AGAP1: variants seen among roughly 807,000 people sequenced by gnomAD.
The protein encoded by AGAP1 is arf-GAP with GTPase, ANK repeat and PH domain-containing protein 1.
Under a neutral mutation model 105.3 loss-of-function variants are expected in AGAP1, and 29 were observed. That is an observed-to-expected ratio of 0.28 (90% CI 0.21 to 0.38). The LOEUF is 0.38. Among genes scored for constraint, AGAP1 ranks in the 10% least tolerant of loss-of-function variants. The probability of loss-of-function intolerance (pLI) is 1.00; values close to 1 mark genes in which losing one functional copy is unlikely to be tolerated. For synonymous variants in AGAP1, 509 were observed against 485.9 expected (o/e 1.05, Z -0.63); for missense variants, 998 against 1,165.1 (o/e 0.86, Z 2.09).
rs2059097308 is a variant in AGAP1, at chr2:236,092,764, A to G, written c.2115-27428A>G. On this transcript the variant is annotated intron_variant, in intron 16 of 17. Transcript: ENST00000304032. The surrounding 1 kb of genome is among the most constrained non-coding windows in gnomAD (Gnocchi z 4.7). ...GCTTACTAAAAAGTTTAAAACAATCAAGCAAAATAAAAGGTGGCTTCCCTT... is the reference window on the plus strand; with the variant it reads ...GCTTACTAAAAAGTTTAAAACAATCGAGCAAAATAAAAGGTGGCTTCCCTT... Among the ~76,000 whole-genome samples, 1 of 152,248 alleles carries G rather than the reference A, an allele frequency of 6.6e-6. No homozygotes were observed. Among genetic ancestry groups the G allele is most frequent in the Non-Finnish European group, 1.5e-5 (1 of 68,044 alleles).
At chr2:235,913,148 A>G (rs2051700296) in intron 11 of AGAP1, among the ~76,000 whole-genome samples, 1 of 152,062 alleles carries the variant, frequency 6.6e-6, no homozygotes, top group Admixed American at 6.5e-5. Context: ...TGTGATTTCT[A>G]CTTTAAGCTA....
At position 235,753,068 on chromosome 2, in the gene AGAP1, A is replaced by G. The variant is rs1953591551; in HGVS notation, c.673+2580A>G. ...CAGGGTTCCACCCTTGTGATCAGTC[A>G]CCTGGCAGAGGCCCCACCTCTTATT... On this transcript the variant is annotated intron_variant, in intron 6 of 17. Coordinates refer to ENST00000304032, the MANE Select transcript of AGAP1 (RefSeq NM_001037131.3). The surrounding 1 kb of genome is among the most constrained non-coding windows in gnomAD (Gnocchi z 4.5). 6.6e-6 allele frequency among the ~76,000 whole-genome samples: 1 copy of G among 152,104 alleles called. No homozygotes were observed. Among genetic ancestry groups the G allele is most frequent in the Non-Finnish European group, 1.5e-5 (1 of 68,022 alleles).
At position 235,494,841 on chromosome 2, in the gene AGAP1, C is replaced by T. The variant is rs766384601; in HGVS notation, c.155C>T (p.Ala52Val). 2 of 1,569,988 alleles carry T rather than the reference C, an allele frequency of 1.3e-6. No individual in the cohort carries two copies. The highest frequency in any genetic ancestry group is 1.7e-6 in the Non-Finnish European group (2 of 1,158,086). ...LQNQIREHVI[A>V]IEDAFVNSQE... is the part of the protein sequence containing the mutation. ...AACCAGATCCGGGAGCACGTCATCG[C>T]CATCGAAGGTGAGGGCCGGGCCGCC... is the stretch of plus-strand genomic sequence containing the variant. The change falls in exon 1 of 18, where the codon GCC (alanine) becomes GTC (valine). Residue 52 changes from alanine to valine, a missense_variant. Ala to Val is a moderately conservative substitution (Grantham distance 64). This residue lies in a region of AGAP1 where 735 missense variants were observed against 833.4 expected (regional missense o/e 0.88). Coordinates refer to ENST00000304032, the MANE Select transcript of AGAP1 (RefSeq NM_001037131.3).
At chr2:236,102,997 G>A (rs1235871675) in intron 16 of AGAP1, among the ~76,000 whole-genome samples, 1 of 149,730 alleles carries the variant, frequency 6.7e-6, no homozygotes, top group African/African-American at 2.5e-5. Context: ...TCCCCTCCGG[G>A]GTTTCTGCCC....
chr2:235,775,403 A>G (rs1035886193), intron 6 of AGAP1, among the ~76,000 whole-genome samples: 29 of 152,234 alleles, frequency 1.9e-4, no homozygotes, highest in African/African-American at 6.5e-4. Context: ...CTGTCCTCTT[A>G]AATCATAGGT....
rs898468750 is a variant in AGAP1 at position 236,087,273 on chromosome 2, A to C, written c.2115-32919A>C. On this transcript the variant is annotated intron_variant, in intron 16 of 17. Coordinates refer to ENST00000304032, the MANE Select transcript of AGAP1 (RefSeq NM_001037131.3). This position sits in a 1 kb window ranked among gnomAD's most constrained non-coding sequence, Gnocchi z 5.7. ...GGGACAGGGCATTCCAGTGTTATTT[A>C]GGGGTCGAGGTGGGAATGAGAGGAA... is the stretch of plus-strand genomic sequence containing the variant. Among the ~76,000 whole-genome samples the C allele has an allele frequency of 2.0e-5, 3 of 147,478 alleles. No individual in the cohort carries two copies. The highest frequency in any genetic ancestry group is 1.3e-4 in the Admixed American group (2 of 14,862).
At chr2:235,760,181 G>A (rs1305255664) in intron 6 of AGAP1, among the ~76,000 whole-genome samples, 1 of 152,168 alleles carries the variant, frequency 6.6e-6, no homozygotes, top group East Asian at 1.9e-4. Flanking sequence ...AAGAGTTTGA[G>A]ACCAGCCTGG....
rs560680182 is a variant in AGAP1, at chr2:236,074,256, G to A, written c.2114+24975G>A. 3.9e-5 allele frequency among the ~76,000 whole-genome samples: 6 copies of A among 152,084 alleles called. No homozygotes were observed. The South Asian group carries it at 1.0e-3, about 26-fold the overall frequency. ...ACATCAGTACCCTCTGCAAGGGAGA[G>A]GCTAAACAAGAAGACCCCCGGGGAG... On this transcript the variant is annotated intron_variant, in intron 16 of 17. Coordinates refer to ENST00000304032, the MANE Select transcript of AGAP1 (RefSeq NM_001037131.3).
At position 235,714,681 on chromosome 2, in the gene AGAP1, C is replaced by A. The variant is rs928479534; in HGVS notation, c.223-2876C>A. 2.6e-5 allele frequency among the ~76,000 whole-genome samples: 4 copies of A among 152,082 alleles called. No individual in the cohort carries two copies. The highest frequency in any genetic ancestry group is 6.5e-5 in the Admixed American group (1 of 15,268). ...ACTGGGTGACAGAGAACATTTGGAT[C>A]CATGAGCCATCACTCAGACAGCAGA... On this transcript the variant is annotated intron_variant, in intron 2 of 17. Transcript: ENST00000304032. This position sits in a 1 kb window ranked among gnomAD's most constrained non-coding sequence, Gnocchi z 4.1.
rs566632866 is a variant in AGAP1, at chr2:235,814,934, T to G, written c.1050+7603T>G. Among the ~76,000 whole-genome samples the G allele has an allele frequency of 2.4e-3, 367 of 152,250 alleles. 4 individuals carry two copies. The highest frequency in any genetic ancestry group is 8.3e-3 in the African/African-American group (343 of 41,540). On this transcript the variant is annotated intron_variant, in intron 9 of 17. Transcript: ENST00000304032. The stretch of plus-strand genomic sequence containing the variant: ...GTGGTGTTGGGGGTTTAGAGACTCA[T>G]GGCCGCACGGAGTGGATCTCCCTCC...
chr2:236,062,436 T>TTTGTTGTTGTTGTTGTTGTTGTTGTTG lies in AGAP1; in HGVS notation c.2114+13181_2114+13182insGTTGTTGTTGTTGTTGTTGTTGTTGTT, dbSNP rs145991084. On this transcript the variant is annotated intron_variant, in intron 16 of 17. Coordinates refer to ENST00000304032, the MANE Select transcript of AGAP1 (RefSeq NM_001037131.3). This position sits in a 1 kb window ranked among gnomAD's most constrained non-coding sequence, Gnocchi z 4.2. ...CTAGGAGCATACTCAGGACTCGTATTTTGTTGTTGTTGTTGTTGTTGTTGT... is the reference window on the plus strand; with the variant it reads ...CTAGGAGCATACTCAGGACTCGTATTTTGTTGTTGTTGTTGTTGTTGTTGTTGTTGTTGTTGTTGTTGTTGTTGTTGT... 1.5e-4 allele frequency among the ~76,000 whole-genome samples: 22 copies of TTTGTTGTTGTTGTTGTTGTTGTTGTTG among 151,022 alleles called. No homozygotes were observed. The highest frequency in any genetic ancestry group is 5.1e-4 in the African/African-American group (21 of 40,944).
intron 9 of AGAP1, among the ~76,000 whole-genome samples, chr2:235,823,469 T>G (rs1036560078): frequency 1.1e-4 from 16 of 152,222 alleles, no homozygotes; most frequent in African/African-American, 3.9e-4. Flanking sequence ...GCACCAGAAT[T>G]ACAGTGAACT....
intron 1 of AGAP1, among the ~76,000 whole-genome samples, chr2:235,653,184 G>C (rs920423244): frequency 1.3e-5 from 2 of 152,104 alleles, no homozygotes; most frequent in African/African-American, 4.8e-5. Flanking sequence ...GGCACATTCC[G>C]GCCGGGCGCA....
At chr2:235,743,435 G>A (rs543586462) in intron 4 of AGAP1, among the ~76,000 whole-genome samples, 4 of 152,188 alleles carry the variant, frequency 2.6e-5, no homozygotes, top group African/African-American at 2.4e-5. Context: ...GAAGAGACAG[G>A]AAGAGCCTTT....
In AGAP1 at chr2:235,603,458, G is replaced by A. The variant is rs58457867; in HGVS notation, c.164-105721G>A. Among the ~76,000 whole-genome samples the A allele has an allele frequency of 8.8e-4, 134 of 152,292 alleles. 1 individual carries two copies. The highest frequency in any genetic ancestry group is 1.9e-3 in the African/African-American group (79 of 41,558). ...TCCCAGAGTGCACAGATATGTGCCA[G>A]ACACCAAGATCAGAATGGGTGCTTC... On this transcript the variant is annotated intron_variant, in intron 1 of 17. Coordinates refer to ENST00000304032, the MANE Select transcript of AGAP1 (RefSeq NM_001037131.3).
rs1553693575 is a variant in AGAP1 at position 235,971,741 on chromosome 2, T to TTTTATTTTA, written c.1645+3125_1645+3126insTATTTATTT. ...ACTAAAGCTAGTTATATATGTTTTA[T>TTTTATTTTA]TTTATTTATTTATTTATTTATTTAT... On this transcript the variant is annotated intron_variant, in intron 13 of 17. Coordinates refer to ENST00000304032, the MANE Select transcript of AGAP1 (RefSeq NM_001037131.3). The surrounding 1 kb of genome is among the most constrained non-coding windows in gnomAD (Gnocchi z 4.8). Among the ~76,000 whole-genome samples the TTTTATTTTA allele has an allele frequency of 6.9e-6, 1 of 145,678 alleles. No individual in the cohort carries two copies. The highest frequency in any genetic ancestry group is 2.6e-5 in the African/African-American group (1 of 38,834).
rs113051374 is a variant in AGAP1 at position 235,554,092 on chromosome 2, A to G, written c.163+59243A>G. Among the ~76,000 whole-genome samples the G allele has an allele frequency of 4.0e-4, 61 of 152,332 alleles. 1 individual carries two copies. Among genetic ancestry groups the G allele is most frequent in the African/African-American group, 1.3e-3 (56 of 41,580 alleles). On this transcript the variant is annotated intron_variant, in intron 1 of 17. Coordinates refer to ENST00000304032, the MANE Select transcript of AGAP1 (RefSeq NM_001037131.3). Reference sequence around the variant, plus strand: ...CTGCCGAAGGGCTCTGGGGAAAGTGATCTTCAAAAATAGAAAGGTTGAGTG... The same window carrying G: ...CTGCCGAAGGGCTCTGGGGAAAGTGGTCTTCAAAAATAGAAAGGTTGAGTG...
intron 6 of AGAP1, among the ~76,000 whole-genome samples, chr2:235,759,390 T>G (rs78032286): frequency 6.6e-6 from 1 of 150,570 alleles, no homozygotes; most frequent in Non-Finnish European, 1.5e-5. Flanking sequence ...AGGATGGTCT[T>G]GATCTCCTGA....
rs1428177136 is a variant in AGAP1 at position 235,992,849 on chromosome 2, G to A, written c.1645+24226G>A. On this transcript the variant is annotated intron_variant, in intron 13 of 17. Coordinates refer to ENST00000304032, the MANE Select transcript of AGAP1 (RefSeq NM_001037131.3). The surrounding 1 kb of genome is among the most constrained non-coding windows in gnomAD (Gnocchi z 4.8). The stretch of plus-strand genomic sequence containing the variant: ...CGCACAGGCTGCACATTGTTTCATG[G>A]CCTTTGCAGTTGAGCTTGTGTTGGC... Among the ~76,000 whole-genome samples, 4 of 152,270 alleles carry A rather than the reference G, an allele frequency of 2.6e-5. No individual in the cohort carries two copies. The highest frequency in any genetic ancestry group is 1.9e-4 in the East Asian group (1 of 5,164).
Sources: gnomAD v4.1 joint callset for allele counts (sites outside exome capture counted in the v4.1 genomes callset) on GRCh38, gnomAD v4.1.1 for gene constraint, gnomAD v4.1.1 regional missense constraint, Gnocchi (gnomAD v3.1) non-coding constraint, MANE v1.5 for transcripts, NCBI Gene and HGNC (gene_info 2026-07-23, HGNC 2026-07-21) for gene names.